Variants in PTPRD observed in about 807,000 individuals in gnomAD.
The protein encoded by PTPRD is protein tyrosine phosphatase receptor type D, also known as receptor-type tyrosine-protein phosphatase delta.
A neutral mutation model predicts 214.5 loss-of-function variants in PTPRD; 34 were observed. The ratio of observed to expected loss-of-function variants is 0.16; its 90% CI spans 0.12 to 0.21. PTPRD has a LOEUF of 0.21. Ranked by LOEUF, PTPRD falls within the 10% of genes least tolerant of loss-of-function variation. PTPRD has a pLI of 1.00. For synonymous variants in PTPRD, 1,128 were observed against 845.7 expected (o/e 1.33, Z -5.79); for missense variants, 2,545 against 2,398.7 (o/e 1.06, Z -1.27).
chr9:8,326,505 C>G (rs904996566), intron 44 of PTPRD, among the ~76,000 whole-genome samples: 1 of 151,300 alleles, frequency 6.6e-6, no homozygotes, highest in African/African-American at 2.4e-5. Context: ...CATCGATGTT[C>G]ATCAGGGATA....
At chr9:9,309,677 C>A (rs1375268956) in intron 9 of PTPRD, among the ~76,000 whole-genome samples, 1 of 152,088 alleles carries the variant, frequency 6.6e-6, no homozygotes, top group Non-Finnish European at 1.5e-5. Flanking sequence ...TCTATGCTAT[C>A]CTGTAAAATT....
chr9:9,710,345 C>T (rs1413087138), intron 7 of PTPRD, among the ~76,000 whole-genome samples: 1 of 152,038 alleles, frequency 6.6e-6, no homozygotes, highest in African/African-American at 2.4e-5. Context: ...CTTCTTTCCA[C>T]ATATCAAGAG....
intron 8 of PTPRD, among the ~76,000 whole-genome samples, chr9:9,524,897 G>T (rs1164790345): frequency 2.6e-5 from 4 of 152,152 alleles, no homozygotes; most frequent in Non-Finnish European, 4.4e-5. Context: ...TCGCTCTGTT[G>T]CCCAGGCTGG....
intron 3 of PTPRD, among the ~76,000 whole-genome samples, chr9:10,279,331 A>T (rs1344883968): frequency 1.3e-5 from 2 of 152,272 alleles, no homozygotes; most frequent in Non-Finnish European, 2.9e-5. Context: ...ATTACGTTAG[A>T]CATAACAGTT....
intron 10 of PTPRD, among the ~76,000 whole-genome samples, chr9:9,023,774 C>T (rs995792422): frequency 7.2e-5 from 11 of 152,028 alleles, no homozygotes; most frequent in Non-Finnish European, 1.0e-4. Context: ...GTTTCTTGTT[C>T]GTGAGTTAGT....
intron 7 of PTPRD, among the ~76,000 whole-genome samples, chr9:9,687,253 G>T (rs367831769): frequency 6.6e-6 from 1 of 151,810 alleles, no homozygotes; most frequent in Non-Finnish European, 1.5e-5. Flanking sequence ...CCCAATGTTA[G>T]AAAAATACAG....
At chr9:9,146,155 T>C (rs2099868252) in intron 10 of PTPRD, among the ~76,000 whole-genome samples, 1 of 152,196 alleles carries the variant, frequency 6.6e-6, no homozygotes. Flanking sequence ...TGAACAGAAG[T>C]GATCCAGAAT....
chr9:9,604,542 T>A (rs1482858918), intron 7 of PTPRD, among the ~76,000 whole-genome samples: 1 of 152,124 alleles, frequency 6.6e-6, no homozygotes, highest in East Asian at 1.9e-4. Flanking sequence ...TAAACTCTTT[T>A]TGGAAAACTT....
At chr9:10,009,130 T>G (rs1455981189) in intron 4 of PTPRD, among the ~76,000 whole-genome samples, 2 of 152,000 alleles carry the variant, frequency 1.3e-5, no homozygotes, top group Admixed American at 6.6e-5. Context: ...GCAATTCTGT[T>G]GACAATAAGG....
chr9:9,155,470 G>A (rs1319019885), intron 10 of PTPRD, among the ~76,000 whole-genome samples: 3 of 152,078 alleles, frequency 2.0e-5, no homozygotes, highest in Non-Finnish European at 2.9e-5. Context: ...AGCCTACAAA[G>A]GTGGCACATA....
chr9:9,298,199 C>T (rs1447271004), intron 9 of PTPRD, among the ~76,000 whole-genome samples: 1 of 151,428 alleles, frequency 6.6e-6, no homozygotes, highest in Non-Finnish European at 1.5e-5. Context: ...ATGTTATTAA[C>T]CTAAAGGTTT....
intron 2 of PTPRD, among the ~76,000 whole-genome samples, chr9:10,438,519 T>C (rs1459888376): frequency 1.3e-5 from 2 of 151,656 alleles, no homozygotes; most frequent in African/African-American, 4.8e-5. Context: ...TGGACTCCAA[T>C]TCGATGTTTT....
rs1359962699 is a variant in PTPRD, at chr9:8,439,282, T to A, written c.3989-2593A>T. On this transcript the variant is annotated intron_variant, in intron 34 of 45. Transcript: ENST00000381196. Reference sequence around the variant, plus strand: ...AATCACCTTTTGTGAAGCGCCTTGATTTCTTTAACTGTTAAAATAAGAGTA... The same window carrying A: ...AATCACCTTTTGTGAAGCGCCTTGAATTCTTTAACTGTTAAAATAAGAGTA... Among the ~76,000 whole-genome samples the A allele has an allele frequency of 3.9e-5, 6 of 152,210 alleles. No individual in the cohort carries two copies. The South Asian group carries it at 1.2e-3, about 32-fold the overall frequency.
At chr9:10,527,548 C>T (rs1163670395) in intron 2 of PTPRD, among the ~76,000 whole-genome samples, 1 of 152,102 alleles carries the variant, frequency 6.6e-6, no homozygotes, top group Non-Finnish European at 1.5e-5. Flanking sequence ...TAAAAAGCAA[C>T]AAGGTTAATA....
At chr9:9,520,526 T>C (rs1285463311) in intron 8 of PTPRD, among the ~76,000 whole-genome samples, 1 of 152,134 alleles carries the variant, frequency 6.6e-6, no homozygotes, top group Non-Finnish European at 1.5e-5. Context: ...AAATACAGTG[T>C]CTTTTTTCTA....
intron 9 of PTPRD, among the ~76,000 whole-genome samples, chr9:9,384,166 A>G (rs936823270): frequency 6.6e-6 from 1 of 151,750 alleles, no homozygotes; most frequent in Non-Finnish European, 1.5e-5. Context: ...ACAAACATAT[A>G]TCTCAGTGTG....
intron 14 of PTPRD, among the ~76,000 whole-genome samples, chr9:8,590,694 G>A (rs967496865): frequency 1.3e-5 from 2 of 152,094 alleles, no homozygotes; most frequent in Admixed American, 6.6e-5. Context: ...TGAAGAGCAG[G>A]GGTCACAAAG....
At chr9:10,469,709 C>T (rs1311787232) in intron 2 of PTPRD, among the ~76,000 whole-genome samples, 8 of 151,308 alleles carry the variant, frequency 5.3e-5, no homozygotes, top group Admixed American at 1.3e-4. Context: ...GTGTGCACTC[C>T]CACGTTTATC....
At chr9:9,918,081 A>C (rs1197737389) in intron 5 of PTPRD, among the ~76,000 whole-genome samples, 2 of 151,998 alleles carry the variant, frequency 1.3e-5, no homozygotes, top group African/African-American at 2.4e-5. Flanking sequence ...GAGAAAGAAA[A>C]GGAATACAAA....
Sources: allele counts gnomAD v4.1 joint callset (sites outside exome capture counted in the v4.1 genomes callset), GRCh38; gene constraint gnomAD v4.1.1; transcripts MANE v1.5; gene names NCBI Gene and HGNC (gene_info 2026-07-23, HGNC 2026-07-21).